Variants in HOOK2 observed in about 807,000 individuals in gnomAD.
The protein encoded by HOOK2 is protein Hook homolog 2.
In HOOK2, 108 loss-of-function variants were observed where a neutral mutation model predicts 111.9. The ratio of observed to expected loss-of-function variants is 0.96; its 90% CI spans 0.83 to 1.13. HOOK2 has a LOEUF of 1.13. HOOK2 is among the 50% of genes most tolerant of loss of function. HOOK2 has a pLI of 0.00. For synonymous variants in HOOK2, 405 were observed against 394.3 expected (o/e 1.03, Z -0.32); for missense variants, 978 against 951.3 (o/e 1.03, Z -0.37).
At position 12,786,598 on chromosome 19, in the gene HOOK2, AG is replaced by A. The variant is rs890429117; in HGVS notation, n.42-12374del. Among the ~76,000 whole-genome samples the A allele has an allele frequency of 2.6e-5, 4 of 151,846 alleles. No homozygotes were observed. Among genetic ancestry groups the A allele is most frequent in the African/African-American group, 4.8e-5 (2 of 41,312 alleles). On this transcript the variant is annotated intron_variant and non_coding_transcript_variant, in intron 3 of 3. Transcript: ENST00000589765. This position sits in a 1 kb window ranked among gnomAD's most constrained non-coding sequence, Gnocchi z 4.3. ...TCTGGACGCTCAGGCCAGTTGGGGG[AG>A]GGGGCTGTTCTCCCACCCTCCTCGT...
chr19:12,789,174 TGA>T (rs141897369), intron 3 of HOOK2, among the ~76,000 whole-genome samples: 79 of 146,248 alleles, frequency 5.4e-4, no homozygotes, highest in Non-Finnish European at 5.3e-4. Flanking sequence ...CCTGGGAAGC[TGA>T]GAGAGAGAGA....
At chr19:12,765,666 G>A in intron 18 of HOOK2, 24 bp downstream of exon 18, 1 of 1,613,966 alleles carries the variant, frequency 6.2e-7, no homozygotes. Flanking sequence ...CCCCCACGAG[G>A]AGTTCCCTCT....
chr19:12,764,735 C>T lies in HOOK2; in HGVS notation c.1827+79G>A, dbSNP rs1458315076. The T allele has an allele frequency of 3.4e-6, 4 of 1,187,040 alleles. No homozygotes were observed. The African/African-American group carries it at 4.5e-5, about 13-fold the overall frequency. The allele number at this position is 1,187,040 out of a possible 1,614,324, so 73.5% of individuals were successfully genotyped here. A position where few individuals can be genotyped will look rare whatever the true frequency, so the allele number is the denominator to read the frequency against. On this transcript the variant is annotated intron_variant, in intron 20 of 22. Transcript: ENST00000397668. ...TGAGTTGGGGGCACAGATGTGCAAG[C>T]AGGAGGTTTGACTCAATAGGAGGCA... is the stretch of plus-strand genomic sequence containing the variant.
At position 12,766,130 on chromosome 19, in the gene HOOK2, G is replaced by C; in HGVS notation, c.1484C>G (p.Ala495Gly). 1 of 1,601,826 alleles carries C rather than the reference G, an allele frequency of 6.2e-7. No homozygotes were observed. ...GTGCTGCGTCTCCAACCCGTGGCGC[G>C]CGCGGTTGGCATCCTCCAGGTGGCG... ...LQRHLEDANR[A>G]RHGLETQHRL... The change falls in exon 15 of 23, where the codon GCG (alanine) becomes GGG (glycine). Residue 495 changes from alanine (A) to glycine (G), a missense_variant. Physicochemically the swap from Ala to Gly is moderately conservative, Grantham distance 60. Around this residue, in one of 5 missense-constraint regions of HOOK2, gnomAD observed 388 missense variants for 358.3 expected, o/e 1.08. Coordinates refer to ENST00000397668, the MANE Select transcript of HOOK2 (RefSeq NM_013312.3).
chr19:12,787,925 T>A (rs1968672371), intron 3 of HOOK2, among the ~76,000 whole-genome samples: 1 of 151,968 alleles, frequency 6.6e-6, no homozygotes, highest in Non-Finnish European at 1.5e-5. Context: ...CATGGTGGCA[T>A]GCGCCTGTAA....
At chr19:12,775,294 C>T (rs1351951736) in intron 1 of HOOK2, 111 bp downstream of exon 1, 2 of 1,494,336 alleles carry the variant, frequency 1.3e-6, no homozygotes, top group Admixed American at 2.3e-5. Context: ...AGCAAGTCGA[C>T]GACCCCGCAC....
At chr19:12,765,871 G>A (rs1231010073) in intron 16 of HOOK2, 37 bp from the exon 17 acceptor site, 28 of 1,610,984 alleles carry the variant, frequency 1.7e-5, no homozygotes, top group Non-Finnish European at 2.2e-5. Flanking sequence ...AGAGAGAGGA[G>A]GGTTACTTCG....
chr19:12,781,257 C>A (rs183287196), upstream of HOOK2, among the ~76,000 whole-genome samples: 263 of 139,572 alleles, frequency 1.9e-3, 3 homozygotes, highest in East Asian at 0.045. Flanking sequence ...GAGCCAAGAT[C>A]ATGCCACTGC....
chr19:12,792,105 C>A lies in HOOK2; in HGVS notation n.42-17880G>T, dbSNP rs770925811. 5 of 1,599,900 alleles carry A rather than the reference C, an allele frequency of 3.1e-6. No homozygotes were observed. In the South Asian group the frequency reaches 5.6e-5, roughly 18 times the overall value. On this transcript the variant is annotated intron_variant and non_coding_transcript_variant, in intron 3 of 3. Transcript: ENST00000589765. ...TACACCCCCGGGACAGTACTTTTAC[C>A]CCCGCGGGGGTGGCAGCGGTGGAGG...
intron 3 of HOOK2, chr19:12,784,464 G>A (rs571770616): frequency 6.6e-6 from 1 of 152,480 alleles, no homozygotes; most frequent in Non-Finnish European, 1.5e-5. Context: ...TCAAAAATAC[G>A]CAGGCAGGCC....
Position 12,772,047 on chromosome 19 carries a change from G to C in HOOK2, c.519+143C>G. 26 of 691,934 alleles carry C rather than the reference G, an allele frequency of 3.8e-5. No homozygotes were observed. The South Asian group carries it at 4.4e-4, about 12-fold the overall frequency. The allele number at this position is 691,934 out of a possible 1,614,324, so 42.9% of individuals were successfully genotyped here. A position where few individuals can be genotyped will look rare whatever the true frequency, so the allele number is the denominator to read the frequency against. ...TTAAGGACAAGCCCCTCCCCCTTAG[G>C]CTACCCTGAGCATCTGTAAGTGGGG... On this transcript the variant is annotated intron_variant, in intron 7 of 22. Transcript: ENST00000397668.
Position 12,765,929 on chromosome 19 carries a change from C to T in HOOK2, c.1597G>A (p.Asp533Asn), listed in dbSNP as rs371560494. Residue 533 changes from aspartate (D) to asparagine (N), a missense_variant and splice_region_variant, in exon 16 of 23, where the codon GAT (aspartate) becomes AAT (asparagine). By Grantham distance (23) the Asp-to-Asn change is conservative. This residue lies in a region of HOOK2 where 277 missense variants were observed against 265.8 expected (regional missense o/e 1.04). Transcript: ENST00000397668. ...GGGAGGTGGTGGGTGACACTCACATCTTCAGTCTTGCCCCCCTGCTCCTGC... is the reference window on the plus strand; with the variant it reads ...GGGAGGTGGTGGGTGACACTCACATTTTCAGTCTTGCCCCCCTGCTCCTGC... The part of the protein sequence containing the change: ...ALQEQGGKTE[D>N]AISILLKRKL... The T allele has an allele frequency of 6.8e-6, 11 of 1,613,980 alleles. No homozygotes were observed. Among genetic ancestry groups the T allele is most frequent in the Non-Finnish European group, 9.3e-6 (11 of 1,179,894 alleles).
chr19:12,791,457 T>G lies in HOOK2; in HGVS notation n.42-17232A>C. 3.7e-6 allele frequency: 1 copy of G among 269,212 alleles called. No individual in the cohort carries two copies. Among genetic ancestry groups the G allele is most frequent in the Non-Finnish European group, 7.0e-6 (1 of 141,904 alleles). 16.7% of individuals were successfully genotyped at this position (269,212 alleles called of 1,614,324 possible). On this transcript the variant is annotated intron_variant and non_coding_transcript_variant, in intron 3 of 3. Transcript: ENST00000589765. This position sits in a 1 kb window ranked among gnomAD's most constrained non-coding sequence, Gnocchi z 7.0. Reference sequence around the variant, plus strand: ...ACTTCCGTGGCTGACTAGCGCGGTATAAAGGCGTGTGGCTCAGGCTGAGCG... The same window carrying G: ...ACTTCCGTGGCTGACTAGCGCGGTAGAAAGGCGTGTGGCTCAGGCTGAGCG...
intron 1 of HOOK2, 50 bp from the exon 2 acceptor site, chr19:12,774,947 G>A: frequency 6.6e-7 from 1 of 1,521,116 alleles, no homozygotes; most frequent in Non-Finnish European, 9.0e-7. Context: ...TGGGAGCGCC[G>A]AACCGCTCCC....
In HOOK2 at chr19:12,786,771, C is replaced by T. The variant is rs1968661615; in HGVS notation, n.42-12546G>A. 6.6e-6 allele frequency among the ~76,000 whole-genome samples: 1 copy of T among 152,218 alleles called. No individual in the cohort carries two copies. Among genetic ancestry groups the T allele is most frequent in the African/African-American group, 2.4e-5 (1 of 41,468 alleles). ...GCCCAATCTCCACCCCGTGCTCAAA[C>T]ACCCATGCAGAGTGTTTGGAGGAAC... On this transcript the variant is annotated intron_variant and non_coding_transcript_variant, in intron 3 of 3. Coordinates refer to the HOOK2 transcript ENST00000589765. The surrounding 1 kb of genome is among the most constrained non-coding windows in gnomAD (Gnocchi z 4.3).
At position 12,768,126 on chromosome 19, in the gene HOOK2, G is replaced by A; in HGVS notation, c.1105-3C>T. 2 of 1,612,832 alleles carry A rather than the reference G, an allele frequency of 1.2e-6. No individual in the cohort carries two copies. Among genetic ancestry groups the A allele is most frequent in the Non-Finnish European group, 1.7e-6 (2 of 1,178,962 alleles). On this transcript the variant is annotated splice_polypyrimidine_tract_variant and splice_region_variant and intron_variant, in intron 11 of 22. Transcript: ENST00000397668. ...CGCTGGCCCTGCAGTTCCTGCACCTGAACACAGAGAGGGGAGGAATAAGGA... is the reference window on the plus strand; with the variant it reads ...CGCTGGCCCTGCAGTTCCTGCACCTAAACACAGAGAGGGGAGGAATAAGGA...
At chr19:12,773,747 G>A (rs1968407308) in intron 3 of HOOK2, among the ~76,000 whole-genome samples, 1 of 152,164 alleles carries the variant, frequency 6.6e-6, no homozygotes, top group Admixed American at 6.5e-5. Flanking sequence ...AAGCCAGGTT[G>A]CATCTTTGCT....
At chr19:12,775,645 C>G (rs1026517232), upstream of HOOK2, 3 of 461,894 alleles carry the variant, frequency 6.5e-6, no homozygotes, top group Non-Finnish European at 1.0e-5. Context: ...TCCCTACGCC[C>G]GCTCTTGCCT....
At chr19:12,789,029 C>T (rs1371773374) in intron 3 of HOOK2, among the ~76,000 whole-genome samples, 1 of 152,170 alleles carries the variant, frequency 6.6e-6, no homozygotes, top group Non-Finnish European at 1.5e-5. Flanking sequence ...TCTTTTTCGC[C>T]TCTTTCGTTT....
Sources: allele counts gnomAD v4.1 joint callset (sites outside exome capture counted in the v4.1 genomes callset), GRCh38; gene constraint gnomAD v4.1.1; regional missense constraint gnomAD v4.1.1; non-coding constraint Gnocchi (gnomAD v3.1); transcripts MANE v1.5; gene names NCBI Gene and HGNC (gene_info 2026-07-23, HGNC 2026-07-21).